The following BBS9 variants were observed in gnomAD, a reference collection of about 807,000 sequenced individuals.
BBS9 encodes protein PTHB1.
Under a neutral mutation model 117.7 loss-of-function variants are expected in BBS9, and 89 were observed. That is an observed-to-expected ratio of 0.76 (90% CI 0.64 to 0.90). BBS9 has a LOEUF of 0.90. Among genes scored for constraint, BBS9 ranks in the 40% least tolerant of loss-of-function variants. The pLI, the probability that BBS9 is intolerant of heterozygous loss-of-function variation, is 0.00. For synonymous variants in BBS9, 379 were observed against 370.9 expected, an observed-to-expected ratio of 1.02 and a Z score of -0.25; for missense variants, 982 against 1,042.2, an observed-to-expected ratio of 0.94 and a Z score of 0.80.
intron 21 of BBS9, among the ~76,000 whole-genome samples, chr7:33,627,800 T>TG (rs1865712660): frequency 6.6e-6 from 1 of 152,156 alleles, no homozygotes; most frequent in African/African-American, 2.4e-5. Context: ...CCCAGCACTT[T>TG]GGGAGGCCGA....
At chr7:33,189,592 T>TAA (rs146507635) in intron 5 of BBS9, among the ~76,000 whole-genome samples, 3 of 150,842 alleles carry the variant, frequency 2.0e-5, no homozygotes, top group Admixed American at 2.0e-4. Flanking sequence ...TTTTTTTAAT[T>TAA]AAAAAAAAAT....
chr7:33,140,215 G>A (rs968244959), intron 1 of BBS9, among the ~76,000 whole-genome samples: 2 of 151,984 alleles, frequency 1.3e-5, no homozygotes, highest in African/African-American at 4.8e-5. Context: ...TAGTAGAGAT[G>A]GGGTTTCACC....
At chr7:33,308,433 A>G (rs1436830332) in intron 9 of BBS9, among the ~76,000 whole-genome samples, 1 of 152,222 alleles carries the variant, frequency 6.6e-6, no homozygotes, top group Non-Finnish European at 1.5e-5. Flanking sequence ...GAGAAATTAG[A>G]AATTACAGAG....
chr7:33,580,536 CTT>C (rs1859706206), intron 21 of BBS9, among the ~76,000 whole-genome samples: 1 of 152,012 alleles, frequency 6.6e-6, no homozygotes, highest in Admixed American at 6.6e-5. Context: ...CAAGAAAAGA[CTT>C]TGTTTTTCCT....
At chr7:33,592,962 A>G (rs1862176621) in intron 21 of BBS9, among the ~76,000 whole-genome samples, 1 of 152,122 alleles carries the variant, frequency 6.6e-6, no homozygotes, top group Non-Finnish European at 1.5e-5. Context: ...TTCTTTCTCA[A>G]CTGTAGCTGT....
intron 21 of BBS9, among the ~76,000 whole-genome samples, chr7:33,562,943 GAGAA>G (rs985454521): frequency 6.6e-6 from 1 of 152,044 alleles, no homozygotes; most frequent in African/African-American, 2.4e-5. Context: ...AAAAGAAAAA[GAGAA>G]AGGAGACCAT....
chr7:33,388,294 C>T, intron 19 of BBS9, 150 bp downstream of exon 19: 1 of 984,564 alleles, frequency 1.0e-6, no homozygotes, highest in Non-Finnish European at 1.5e-6. Context: ...GTCAGAAAAA[C>T]CTAGGTTCAA....
At chr7:33,171,053 C>G (rs1407705954) in intron 4 of BBS9, among the ~76,000 whole-genome samples, 2 of 150,896 alleles carry the variant, frequency 1.3e-5, no homozygotes, top group Non-Finnish European at 3.0e-5. Flanking sequence ...GATTCAATGC[C>G]ATCCCCATCA....
At chr7:33,176,459 T>C (rs980153269) in intron 4 of BBS9, among the ~76,000 whole-genome samples, 2 of 152,330 alleles carry the variant, frequency 1.3e-5, no homozygotes, top group Non-Finnish European at 1.5e-5. Context: ...GAATACTGTA[T>C]GATTTTGGGG....
chr7:33,389,687 TA>T (rs5883400), intron 19 of BBS9, among the ~76,000 whole-genome samples: 2,342 of 91,720 alleles, frequency 0.026, 46 homozygotes, highest in African/African-American at 0.083. Context: ...AGACTCCATC[TA>T]AAAAAAAAAA....
At chr7:33,603,508 T>A (rs1341728273) in intron 21 of BBS9, among the ~76,000 whole-genome samples, 1 of 152,170 alleles carries the variant, frequency 6.6e-6, no homozygotes, top group Admixed American at 6.6e-5. Context: ...CTCAGTTTTC[T>A]TATAAAATGA....
chr7:33,283,832 T>C (rs770425145), intron 9 of BBS9, among the ~76,000 whole-genome samples: 2 of 152,150 alleles, frequency 1.3e-5, no homozygotes, highest in Non-Finnish European at 2.9e-5. Context: ...GATGATTAGC[T>C]CAGATCACCT....
intron 1 of BBS9, among the ~76,000 whole-genome samples, chr7:33,143,680 C>T (rs748465704): frequency 4.6e-5 from 7 of 151,938 alleles, no homozygotes; most frequent in Non-Finnish European, 8.8e-5. Flanking sequence ...GTTCTTTTGC[C>T]TTAGCCTCCT....
At chr7:33,434,096 G>GTT (rs141047982) in intron 19 of BBS9, among the ~76,000 whole-genome samples, 1,733 of 151,150 alleles carry the variant, frequency 0.011, 33 homozygotes, top group African/African-American at 0.04. Flanking sequence ...TTTTTTCATA[G>GTT]TTTTTTTATC....
chr7:33,189,615 T>C (rs190700785), intron 5 of BBS9, among the ~76,000 whole-genome samples: 243 of 151,302 alleles, frequency 1.6e-3, no homozygotes, highest in Admixed American at 4.2e-3. Flanking sequence ...TTGCTGGGTG[T>C]GGTGGCTCAC....
At position 33,202,104 on chromosome 7, in the gene BBS9, C is replaced by T. The variant is rs1785980909; in HGVS notation, c.442+24513C>T. On this transcript the variant is annotated intron_variant, in intron 5 of 22. Transcript: ENST00000242067. ...CATCAGGGTGAGTAATATATGAGAACTTGGCATAATAATTGGGAATTATAA... is the reference window on the plus strand; with the variant it reads ...CATCAGGGTGAGTAATATATGAGAATTTGGCATAATAATTGGGAATTATAA... Among the ~76,000 whole-genome samples the T allele has an allele frequency of 2.6e-5, 4 of 152,148 alleles. No individual in the cohort carries two copies. In the South Asian group the frequency reaches 8.3e-4, roughly 32 times the overall value.
chr7:33,161,935 G>A (rs1310709440), intron 4 of BBS9, among the ~76,000 whole-genome samples: 1 of 152,178 alleles, frequency 6.6e-6, no homozygotes, highest in Non-Finnish European at 1.5e-5. Context: ...AGAAGTGTCT[G>A]TTCATATCCT....
At chr7:33,488,105 CCTCTT>C (rs1295998475) in intron 19 of BBS9, among the ~76,000 whole-genome samples, 2 of 152,178 alleles carry the variant, frequency 1.3e-5, no homozygotes, top group East Asian at 1.9e-4. Flanking sequence ...TTCAAGCTCT[CCTCTT>C]CTCTCCAGCC....
At chr7:33,161,592 T>C (rs1356184573) in intron 4 of BBS9, among the ~76,000 whole-genome samples, 1 of 152,250 alleles carries the variant, frequency 6.6e-6, no homozygotes, top group East Asian at 1.9e-4. Flanking sequence ...CGTATACATG[T>C]GTCTTTATAG....
Sources: gnomAD v4.1 joint callset for allele counts (sites outside exome capture counted in the v4.1 genomes callset) on GRCh38, gnomAD v4.1.1 for gene constraint, MANE v1.5 for transcripts, NCBI Gene and HGNC (gene_info 2026-07-23, HGNC 2026-07-21) for gene names.